AK3: variants seen among roughly 807,000 people sequenced by gnomAD.
AK3 encodes the protein GTP:AMP phosphotransferase AK3, mitochondrial.
A neutral mutation model predicts 23.7 loss-of-function variants in AK3; 27 were observed. The observed-to-expected ratio is 1.14, with a 90% CI of 0.84 to 1.57. AK3 has a LOEUF of 1.57. AK3 is among the 40% of genes most tolerant of loss of function. The probability of loss-of-function intolerance (pLI) is 0.00; values close to 1 mark genes in which losing one functional copy is unlikely to be tolerated. For missense variants in AK3, 406 were observed against 285.6 expected (o/e 1.42, Z -3.04); for synonymous variants, 159 against 116.0 (o/e 1.37, Z -2.38).
intron 1 of AK3, among the ~76,000 whole-genome samples, chr9:4,739,318 G>T (rs1472305184): frequency 6.6e-6 from 1 of 151,506 alleles, no homozygotes; most frequent in African/African-American, 2.4e-5. Context: ...AGCCTCCCGA[G>T]TAGCTAGGAT....
intron 1 of AK3, among the ~76,000 whole-genome samples, chr9:4,732,380 G>T (rs1420773224): frequency 6.6e-6 from 1 of 152,098 alleles, no homozygotes; most frequent in East Asian, 1.9e-4. Context: ...TCAACAGTAG[G>T]CTATTTAAAT....
intron 4 of AK3, among the ~76,000 whole-genome samples, chr9:4,714,056 A>G (rs377122116): frequency 6.1e-4 from 1 of 1,634 alleles, no homozygotes; most frequent in African/African-American, 2.8e-3. Flanking sequence ...ATATACACCT[A>G]CACATATACA....
At chr9:4,742,002 C>G (rs1294073689), upstream of AK3, 1 of 152,168 alleles carries the variant, frequency 6.6e-6, no homozygotes, top group East Asian at 1.9e-4. Context: ...ATCCAGCTTC[C>G]ATTGAGTGAG....
Position 4,718,500 on chromosome 9 carries a change from C to G in AK3, c.482G>C (p.Arg161Pro), listed in dbSNP as rs375214094. The change falls in exon 4 of 5, where the codon CGT becomes CCT. Residue 161 changes from arginine to proline, a missense_variant. Physicochemically the swap from Arg to Pro is moderately radical, Grantham distance 103 (BLOSUM62 -2). Coordinates refer to ENST00000381809, the MANE Select transcript of AK3 (RefSeq NM_016282.4). ...DDLTGEPLIQ[R>P]EDDKPETVIK... The stretch of plus-strand genomic sequence containing the variant: ...AACCGTCTCTGGTTTATCATCCTCA[C>G]GCTGAATGAGAGGCTCCCCAGTCAG... The G allele has an allele frequency of 6.2e-7, 1 of 1,613,802 alleles. No homozygotes were observed. Among genetic ancestry groups the G allele is most frequent in the Non-Finnish European group, 8.5e-7 (1 of 1,179,812 alleles).
chr9:4,713,449 T>C (rs1841616309), intron 4 of AK3, among the ~76,000 whole-genome samples: 1 of 152,236 alleles, frequency 6.6e-6, no homozygotes, highest in South Asian at 2.1e-4. Context: ...AATAAAATCA[T>C]CCCTTTGTAA....
At position 4,741,126 on chromosome 9, in the gene AK3, C is replaced by A. The variant is rs999184780; in HGVS notation, c.-39G>T. The A allele has an allele frequency of 6.5e-5, 95 of 1,459,986 alleles. No individual in the cohort carries two copies. The highest frequency in any genetic ancestry group is 8.2e-5 in the Non-Finnish European group (91 of 1,105,946). The allele number at this position is 1,459,986 out of a possible 1,614,324, so 90.4% of individuals were successfully genotyped here. ...GGCCCGCACCGCGCGGGTACCAGGG[C>A]TTTGGCCTGGCCTGCGCGCTCACCC... On this transcript the variant is annotated 5_prime_UTR_variant, in exon 1 of 5. Coordinates refer to ENST00000381809, the MANE Select transcript of AK3 (RefSeq NM_016282.4).
intron 1 of AK3, among the ~76,000 whole-genome samples, chr9:4,728,729 T>C (rs10122182): frequency 0.5 from 74,849 of 149,398 alleles, 19,976 homozygotes; most frequent in East Asian, 0.74. Context: ...TGTGTGGTGA[T>C]TCACACCTGC....
rs571764487 is a variant in AK3, at chr9:4,720,694, A to T, written c.272-1387T>A. 4.6e-5 allele frequency among the ~76,000 whole-genome samples: 7 copies of T among 152,112 alleles called. No individual in the cohort carries two copies. The East Asian group carries it at 9.6e-4, about 21-fold the overall frequency. ...ACAGAGCAAGACACTGTCTCCAAAA[A>T]AAAAAAAGTGACAAAGGTTAAAACC... On this transcript the variant is annotated intron_variant, in intron 2 of 4. Coordinates refer to ENST00000381809, the MANE Select transcript of AK3 (RefSeq NM_016282.4).
intron 1 of AK3, among the ~76,000 whole-genome samples, chr9:4,722,975 A>G (rs960914117): frequency 6.6e-6 from 1 of 152,068 alleles, no homozygotes; most frequent in Non-Finnish European, 1.5e-5. Context: ...CAGGTGGGAG[A>G]CGGGGGAATC....
chr9:4,724,033 C>T (rs921892944), intron 1 of AK3, among the ~76,000 whole-genome samples: 1 of 152,178 alleles, frequency 6.6e-6, no homozygotes, highest in African/African-American at 2.4e-5. Context: ...TTGTCAGATT[C>T]ATGAAACTTC....
chr9:4,729,015 A>ATATATATATATATATTTTTTT (rs71326127), intron 1 of AK3, among the ~76,000 whole-genome samples: 5 of 129,450 alleles, frequency 3.9e-5, no homozygotes, highest in South Asian at 2.5e-4. Context: ...ATATATATAT[A>ATATATATATATATATTTTTTT]TTTTTTTTTT....
intron 1 of AK3, 133 bp downstream of exon 1, chr9:4,740,804 G>A (rs967802771): frequency 9.3e-5 from 108 of 1,157,656 alleles, no homozygotes; most frequent in Non-Finnish European, 1.0e-4. Context: ...GCAGCCCGAG[G>A]TCTCTGTCCC....
rs112504496 is a variant in AK3 at position 4,717,901 on chromosome 9, A to G, written c.563+518T>C. Among the ~76,000 whole-genome samples, 1,203 of 152,318 alleles carry G rather than the reference A, an allele frequency of 7.9e-3. 17 individuals carry two copies. Among genetic ancestry groups the G allele is most frequent in the African/African-American group, 0.027 (1,125 of 41,564 alleles). On this transcript the variant is annotated intron_variant, in intron 4 of 4. Transcript: ENST00000381809. ...AACATCTGCACATAGCAGAGTATGG[A>G]TGAGACTGTCGCACTGCCAACTCTA... is the stretch of plus-strand genomic sequence containing the variant.
intron 2 of AK3, among the ~76,000 whole-genome samples, chr9:4,719,875 A>G (rs1177305929): frequency 1.3e-5 from 2 of 152,092 alleles, no homozygotes; most frequent in African/African-American, 2.4e-5. Context: ...AGACCAGCCT[A>G]GCCAACATGG....
intron 2 of AK3, among the ~76,000 whole-genome samples, chr9:4,719,618 G>A (rs117236219): frequency 1.3e-5 from 2 of 152,160 alleles, no homozygotes; most frequent in African/African-American, 2.4e-5. Context: ...TTCTTAATAT[G>A]GGTGGGCCTT....
chr9:4,717,834 T>C (rs1841777994), intron 4 of AK3, among the ~76,000 whole-genome samples: 1 of 152,226 alleles, frequency 6.6e-6, no homozygotes, highest in African/African-American at 2.4e-5. Flanking sequence ...ATTTTCAAAT[T>C]ACAATGGATT....
intron 4 of AK3, among the ~76,000 whole-genome samples, chr9:4,714,709 T>C (rs1032215213): frequency 2.0e-5 from 3 of 152,306 alleles, no homozygotes; most frequent in South Asian, 4.1e-4. Context: ...GCTTCAACAA[T>C]TGGTCCTCCA....
At chr9:4,737,254 A>C (rs1224512108) in intron 1 of AK3, among the ~76,000 whole-genome samples, 1 of 150,844 alleles carries the variant, frequency 6.6e-6, no homozygotes, top group African/African-American at 2.4e-5. Context: ...CTGCTTTAAA[A>C]TAAATAAAAA....
intron 2 of AK3, 96 bp from the exon 3 acceptor site, chr9:4,719,403 T>A: frequency 2.5e-5 from 24 of 976,160 alleles, no homozygotes; most frequent in Non-Finnish European, 3.1e-5. Flanking sequence ...AAAGAAAGAA[T>A]TAATGTTGGA....
Sources: allele counts gnomAD v4.1 joint callset (sites outside exome capture counted in the v4.1 genomes callset), GRCh38; gene constraint gnomAD v4.1.1; transcripts MANE v1.5; gene names NCBI Gene and HGNC (gene_info 2026-07-23, HGNC 2026-07-21).